Variants in PCDHGB4 observed in about 807,000 individuals in gnomAD.
PCDHGB4 encodes protocadherin gamma-B4.
Under a neutral mutation model 60.5 loss-of-function variants are expected in PCDHGB4, and 38 were observed. The ratio of observed to expected loss-of-function variants is 0.63; its 90% CI spans 0.48 to 0.82. The LOEUF is 0.82. Ranked by LOEUF, PCDHGB4 falls within the 40% of genes least tolerant of loss-of-function variation. The pLI, the probability that PCDHGB4 is intolerant of heterozygous loss-of-function variation, is 0.00. For missense variants in PCDHGB4, 1,109 were observed against 1,209.6 expected (o/e 0.92, Z 1.23); for synonymous variants, 456 against 509.7 (o/e 0.89, Z 1.42).
At chr5:141,390,596 C>T (rs2092187528) in intron 1 of PCDHGB4, 1 of 329,834 alleles carries the variant, frequency 3.0e-6, no homozygotes. Context: ...GAGATTTTTC[C>T]TATACATTTT....
chr5:141,485,745 T>C lies in PCDHGB4; in HGVS notation c.2398-9062T>C. 3 of 1,614,146 alleles carry C rather than the reference T, an allele frequency of 1.9e-6. No individual in the cohort carries two copies. Among genetic ancestry groups the C allele is most frequent in the Non-Finnish European group, 2.5e-6 (3 of 1,179,986 alleles). ...AAGAAGCGCAGCGACGGCAGCCTGGTCCCAGAGCTGCTCCTGGAGAAGCCT... is the reference window on the plus strand; with the variant it reads ...AAGAAGCGCAGCGACGGCAGCCTGGCCCCAGAGCTGCTCCTGGAGAAGCCT... On this transcript the variant is annotated intron_variant, in intron 1 of 3. Transcript: ENST00000519479. This position sits in a 1 kb window ranked among gnomAD's most constrained non-coding sequence, Gnocchi z 5.7.
Position 141,388,637 on chromosome 5 carries a change from T to C in PCDHGB4, c.753T>C (p.Leu251=), listed in dbSNP as rs993746447. Residue 251 remains leucine, a synonymous_variant, in exon 1 of 4, where the codon CTT becomes CTC. Coordinates refer to ENST00000519479, the MANE Select transcript of PCDHGB4 (RefSeq NM_003736.4). ...VFSQDVYRVS[L]SENVYPGTTV... ...GTCAAGACGTATACAGGGTGAGCCT[T>C]TCAGAAAACGTGTACCCGGGGACCA... is the stretch of plus-strand genomic sequence containing the variant. 1 of 1,613,880 alleles carries C rather than the reference T, an allele frequency of 6.2e-7. No individual in the cohort carries two copies. The highest frequency in any genetic ancestry group is 8.5e-7 in the Non-Finnish European group (1 of 1,179,870).
At position 141,494,820 on chromosome 5, in the gene PCDHGB4, A is replaced by G; in HGVS notation, c.2411A>G (p.Asn804Ser). ...TTTTCTCCACAGCAAGCCCCGCCCA[A>G]CACGGACTGGCGTTTCTCTCAGGCC... ...ELTSHQQAPP[N>S]TDWRFSQAQR... Residue 804 changes from asparagine to serine, a missense_variant, in exon 2 of 4, where the codon AAC becomes AGC. By Grantham distance (46) the Asn-to-Ser change is conservative. Around this residue, in one of 2 missense-constraint regions of PCDHGB4, gnomAD observed 1,068 missense variants for 1,089.9 expected, o/e 0.98. Transcript: ENST00000519479. 1.2e-6 allele frequency: 2 copies of G among 1,613,988 alleles called. No individual in the cohort carries two copies. Among genetic ancestry groups the G allele is most frequent in the Middle Eastern group, 1.6e-4 (1 of 6,062 alleles).
intron 1 of PCDHGB4, chr5:141,418,106 G>T (rs2096223296): frequency 6.2e-7 from 1 of 1,613,954 alleles, no homozygotes. Flanking sequence ...GCAGAGCGGG[G>T]ACTTACTTGT....
At chr5:141,421,651 A>G in intron 1 of PCDHGB4, 1 of 1,613,868 alleles carries the variant, frequency 6.2e-7, no homozygotes, top group Non-Finnish European at 8.5e-7. Flanking sequence ...AGTGGAGATA[A>G]AAGTCAGTGA....
chr5:141,393,771 C>G (rs1207407733), intron 1 of PCDHGB4: 4 of 1,613,874 alleles, frequency 2.5e-6, no homozygotes, highest in Non-Finnish European at 3.4e-6. Context: ...AATGGAAATA[C>G]AAGCCGAAGA....
At position 141,485,800 on chromosome 5, in the gene PCDHGB4, C is replaced by T. The variant is rs1231777430; in HGVS notation, c.2398-9007C>T. On this transcript the variant is annotated intron_variant, in intron 1 of 3. Coordinates refer to ENST00000519479, the MANE Select transcript of PCDHGB4 (RefSeq NM_003736.4). This position sits in a 1 kb window ranked among gnomAD's most constrained non-coding sequence, Gnocchi z 5.7. The stretch of plus-strand genomic sequence containing the variant: ...ATCGAGAGAAGCAATCGGACTACCG[C>T]CTGGTGCTGACTGCTGTCGATGGAG... 1 of 1,614,228 alleles carries T rather than the reference C, an allele frequency of 6.2e-7. No homozygotes were observed. Among genetic ancestry groups the T allele is most frequent in the East Asian group, 2.2e-5 (1 of 44,878 alleles).
chr5:141,500,277 C>T (rs1595660442), intron 2 of PCDHGB4, among the ~76,000 whole-genome samples: 1 of 151,718 alleles, frequency 6.6e-6, no homozygotes, highest in Non-Finnish European at 1.5e-5. Context: ...GGCGCAATCT[C>T]GGCTCACTGC....
intron 1 of PCDHGB4, among the ~76,000 whole-genome samples, chr5:141,407,274 A>G (rs763803896): frequency 2.0e-5 from 3 of 152,232 alleles, no homozygotes; most frequent in Non-Finnish European, 2.9e-5. Context: ...GCAACAAGAA[A>G]ATTGTTACAA....
At chr5:141,454,941 G>A (rs2098807517) in intron 1 of PCDHGB4, among the ~76,000 whole-genome samples, 1 of 150,970 alleles carries the variant, frequency 6.6e-6, no homozygotes, top group Non-Finnish European at 1.5e-5. Flanking sequence ...CCGAGTAGCT[G>A]GGACTACAGG....
At chr5:141,447,798 A>G (rs2098551922) in intron 1 of PCDHGB4, among the ~76,000 whole-genome samples, 2 of 152,230 alleles carry the variant, frequency 1.3e-5, no homozygotes, top group Admixed American at 1.3e-4. Context: ...TTAAGAAAAT[A>G]AAATTGGCTG....
At chr5:141,408,308 T>C in intron 1 of PCDHGB4, 1 of 1,613,744 alleles carries the variant, frequency 6.2e-7, no homozygotes, top group South Asian at 1.1e-5. Flanking sequence ...GATCCGCTAC[T>C]CGATTCCGGA....
At chr5:141,406,474 T>TA (rs1309995681) in intron 1 of PCDHGB4, among the ~76,000 whole-genome samples, 1 of 152,248 alleles carries the variant, frequency 6.6e-6, no homozygotes, top group Non-Finnish European at 1.5e-5. Flanking sequence ...TCTTTGAGGT[T>TA]ATATTTTTCA....
intron 1 of PCDHGB4, chr5:141,409,421 G>C (rs1381290106): frequency 6.2e-7 from 1 of 1,614,044 alleles, no homozygotes; most frequent in South Asian, 1.1e-5. Context: ...ACTGGTGACA[G>C]ATGGAGCCCT....
Position 141,432,604 on chromosome 5 carries a change from A to T in PCDHGB4, c.2397+42323A>T, listed in dbSNP as rs774164351. ...GTCTGCTCAAGGCCAGCGAGCCGGG[A>T]CTCTTCTCGGTGGGTCTGCACACGG... On this transcript the variant is annotated intron_variant, in intron 1 of 3. Coordinates refer to ENST00000519479, the MANE Select transcript of PCDHGB4 (RefSeq NM_003736.4). The surrounding 1 kb of genome is among the most constrained non-coding windows in gnomAD (Gnocchi z 6.0). 1.2e-6 allele frequency: 2 copies of T among 1,610,530 alleles called. No homozygotes were observed. The highest frequency in any genetic ancestry group is 1.7e-6 in the Non-Finnish European group (2 of 1,179,274).
chr5:141,414,950 T>C (rs1017858929), intron 1 of PCDHGB4: 2 of 1,613,912 alleles, frequency 1.2e-6, no homozygotes, highest in African/African-American at 2.7e-5. Context: ...GGCTACCTGG[T>C]GACCAAGGTG....
chr5:141,400,516 C>T, intron 1 of PCDHGB4: 2 of 1,613,964 alleles, frequency 1.2e-6, no homozygotes, highest in African/African-American at 1.3e-5. Context: ...GACTTCCCAT[C>T]CTGAGTTGGT....
At chr5:141,401,805 G>C (rs1307812903) in intron 1 of PCDHGB4, among the ~76,000 whole-genome samples, 1 of 152,132 alleles carries the variant, frequency 6.6e-6, no homozygotes, top group Non-Finnish European at 1.5e-5. Context: ...TTCAGTAAAT[G>C]GGTTCCTTAC....
chr5:141,493,979 C>T lies in PCDHGB4; in HGVS notation c.2398-828C>T, dbSNP rs1273325447. ...GAAGTGGCTGGCCAGAGCCCCACAC[C>T]TTCAGCTAGGTGGGAGATGGCTACA... is the stretch of plus-strand genomic sequence containing the variant. On this transcript the variant is annotated intron_variant, in intron 1 of 3. Coordinates refer to ENST00000519479, the MANE Select transcript of PCDHGB4 (RefSeq NM_003736.4). The surrounding 1 kb of genome is among the most constrained non-coding windows in gnomAD (Gnocchi z 4.3). Among the ~76,000 whole-genome samples, 1 of 152,182 alleles carries T rather than the reference C, an allele frequency of 6.6e-6. No individual in the cohort carries two copies. Among genetic ancestry groups the T allele is most frequent in the Non-Finnish European group, 1.5e-5 (1 of 68,032 alleles).
Sources: allele counts gnomAD v4.1 joint callset (sites outside exome capture counted in the v4.1 genomes callset), GRCh38; gene constraint gnomAD v4.1.1; regional missense constraint gnomAD v4.1.1; non-coding constraint Gnocchi (gnomAD v3.1); transcripts MANE v1.5; gene names NCBI Gene and HGNC (gene_info 2026-07-23, HGNC 2026-07-21).